Variants in ZRANB3 observed in about 807,000 individuals in gnomAD.
ZRANB3 encodes zinc finger RANBP2-type containing 3, also known as DNA annealing helicase and endonuclease ZRANB3.
Under a neutral mutation model 133.8 loss-of-function variants are expected in ZRANB3, and 125 were observed. That is an observed-to-expected ratio of 0.93 (90% CI 0.81 to 1.08). The LOEUF (loss-of-function observed/expected upper bound fraction) is 1.08, where lower values mean the gene tolerates loss of function less well. Ranked by LOEUF, ZRANB3 falls within the 50% of genes least tolerant of loss-of-function variation. ZRANB3 has a pLI of 0.00. For synonymous variants in ZRANB3, 387 were observed against 432.7 expected (o/e 0.89, Z 1.31); for missense variants, 1,229 against 1,275.5 (o/e 0.96, Z 0.56).
intron 8 of ZRANB3, among the ~76,000 whole-genome samples, chr2:135,278,419 T>C (rs1332269343): frequency 6.6e-6 from 1 of 152,144 alleles, no homozygotes; most frequent in Non-Finnish European, 1.5e-5. Context: ...CAATATACCA[T>C]TTCTTGGGAG....
At chr2:135,463,125 C>T (rs1292986491) in intron 2 of ZRANB3, among the ~76,000 whole-genome samples, 1 of 152,084 alleles carries the variant, frequency 6.6e-6, no homozygotes, top group Non-Finnish European at 1.5e-5. Flanking sequence ...GCCAGGAGTT[C>T]AAGATTAGCC....
intron 2 of ZRANB3, among the ~76,000 whole-genome samples, chr2:135,467,086 G>A (rs1691032462): frequency 6.6e-6 from 1 of 152,172 alleles, no homozygotes; most frequent in African/African-American, 2.4e-5. Context: ...TAGATGAGCT[G>A]TAGGAACTAT....
chr2:135,304,378 T>C (rs1682580664), intron 8 of ZRANB3, among the ~76,000 whole-genome samples: 1 of 152,320 alleles, frequency 6.6e-6, no homozygotes, highest in South Asian at 2.1e-4. Context: ...ATTGTTCATG[T>C]GATGATTTAC....
intron 1 of ZRANB3, among the ~76,000 whole-genome samples, chr2:135,517,002 AC>A (rs1408934433): frequency 4.0e-5 from 6 of 151,768 alleles, no homozygotes; most frequent in African/African-American, 1.5e-4. Context: ...CCTTGTCTTC[AC>A]ACTTTATTTC....
intron 8 of ZRANB3, among the ~76,000 whole-genome samples, chr2:135,296,024 T>C (rs1682060529): frequency 6.6e-6 from 1 of 152,174 alleles, no homozygotes; most frequent in Admixed American, 6.5e-5. Flanking sequence ...TTTCCTTCAT[T>C]TCAACTTTGG....
chr2:135,475,731 A>T (rs1456460676), intron 2 of ZRANB3, among the ~76,000 whole-genome samples: 1 of 152,226 alleles, frequency 6.6e-6, no homozygotes, highest in Non-Finnish European at 1.5e-5. Context: ...GTGCCAAAGG[A>T]TATTTAAATT....
intron 3 of ZRANB3, among the ~76,000 whole-genome samples, chr2:135,381,618 A>T (rs2104912611): frequency 6.6e-6 from 1 of 152,306 alleles, no homozygotes; most frequent in South Asian, 2.1e-4. Flanking sequence ...CTGACACCAC[A>T]CATGGCCGGG....
intron 12 of ZRANB3, among the ~76,000 whole-genome samples, chr2:135,246,035 C>CT (rs1695784807): frequency 8.6e-6 from 1 of 116,252 alleles, no homozygotes; most frequent in Admixed American, 8.9e-5. Context: ...TCTTTTCTTT[C>CT]TTTCTTTTTT....
chr2:135,390,864 T>C (rs1687198475), intron 2 of ZRANB3, 44 bp from the exon 3 acceptor site: 1 of 1,491,508 alleles, frequency 6.7e-7, no homozygotes, highest in Admixed American at 2.5e-5. Flanking sequence ...GAGTGAACCT[T>C]TTTCCTTTTT....
At position 135,314,712 on chromosome 2, in the gene ZRANB3, C is replaced by A. The variant is rs571403330; in HGVS notation, c.849+647G>T. Reference sequence around the variant, plus strand: ...ATTCTAGAGCAAGGAACACAATTTCCCTTGCTAATTATTGGGTTTCACACC... The same window carrying A: ...ATTCTAGAGCAAGGAACACAATTTCACTTGCTAATTATTGGGTTTCACACC... On this transcript the variant is annotated intron_variant, in intron 7 of 20. Coordinates refer to ENST00000264159, the MANE Select transcript of ZRANB3 (RefSeq NM_032143.4). Among the ~76,000 whole-genome samples, 4 of 152,080 alleles carry A rather than the reference C, an allele frequency of 2.6e-5. 1 individual carries two copies. The highest frequency in any genetic ancestry group is 9.6e-5 in the African/African-American group (4 of 41,500).
intron 20 of ZRANB3, among the ~76,000 whole-genome samples, 190 bp from the exon 21 acceptor site, chr2:135,200,630 G>C (rs1693581178): frequency 6.6e-6 from 1 of 152,086 alleles, no homozygotes; most frequent in South Asian, 2.1e-4. Context: ...TGAGGTCCTA[G>C]GTTCATAGGA....
chr2:135,461,699 G>T (rs1690772434), intron 2 of ZRANB3, among the ~76,000 whole-genome samples: 1 of 152,124 alleles, frequency 6.6e-6, no homozygotes, highest in Non-Finnish European at 1.5e-5. Flanking sequence ...ACTGTACCTG[G>T]ACTAGACAGC....
At chr2:135,355,294 C>A (rs1685379608) in intron 3 of ZRANB3, 2 of 984,826 alleles carry the variant, frequency 2.0e-6, no homozygotes, top group South Asian at 9.4e-5. Context: ...CCCGAAGCCA[C>A]TCAAACATCA....
chr2:135,518,930 A>G (rs1449617763), intron 1 of ZRANB3, among the ~76,000 whole-genome samples: 2 of 152,148 alleles, frequency 1.3e-5, no homozygotes, highest in Admixed American at 1.3e-4. Flanking sequence ...CCAAAATAAT[A>G]GGGTTCAGGA....
Position 135,504,479 on chromosome 2 carries a change from A to AC in ZRANB3, c.10dup (p.Val4GlyfsTer3). 6.2e-7 allele frequency: 1 copy of AC among 1,609,170 alleles called. No individual in the cohort carries two copies. The highest frequency in any genetic ancestry group is 8.5e-7 in the Non-Finnish European group (1 of 1,178,482). On this transcript the variant is annotated frameshift_variant, in exon 2 of 21. Coordinates refer to ENST00000264159, the MANE Select transcript of ZRANB3 (RefSeq NM_032143.4). LOFTEE classifies it high-confidence loss of function. ...TGTAAGAGACTTTTTTATGTTATGA[A>AC]CCCTAGGCATGATGATCCTAAAAAC...
At chr2:135,315,077 T>A (rs1182780763) in intron 7 of ZRANB3, among the ~76,000 whole-genome samples, 1 of 152,212 alleles carries the variant, frequency 6.6e-6, no homozygotes, top group Non-Finnish European at 1.5e-5. Context: ...ATATTTAGAA[T>A]TCTTAATACT....
chr2:135,476,198 G>T (rs554457058), intron 2 of ZRANB3, among the ~76,000 whole-genome samples: 2 of 152,044 alleles, frequency 1.3e-5, no homozygotes, highest in Non-Finnish European at 2.9e-5. Context: ...ATAAACAAAC[G>T]GCATGAAAAC....
At chr2:135,210,153 A>G (rs1694036090) in intron 17 of ZRANB3, among the ~76,000 whole-genome samples, 1 of 152,092 alleles carries the variant, frequency 6.6e-6, no homozygotes, top group Non-Finnish European at 1.5e-5. Context: ...TCACACTGAG[A>G]CAGCAGTAAC....
At chr2:135,218,578 C>T (rs568645010) in intron 16 of ZRANB3, among the ~76,000 whole-genome samples, 3 of 152,020 alleles carry the variant, frequency 2.0e-5, no homozygotes, top group Non-Finnish European at 2.9e-5. Context: ...TTAGTCCCTG[C>T]GCATGATGAC....
Sources: gnomAD v4.1 joint callset for allele counts (sites outside exome capture counted in the v4.1 genomes callset) on GRCh38, gnomAD v4.1.1 for gene constraint, MANE v1.5 for transcripts, NCBI Gene and HGNC (gene_info 2026-07-23, HGNC 2026-07-21) for gene names.